NVL: variants seen among roughly 807,000 people sequenced by gnomAD.
NVL encodes the protein nuclear valosin-containing protein-like.
In NVL, 84 loss-of-function variants were observed where a neutral mutation model predicts 110.2. The ratio of observed to expected loss-of-function variants is 0.76; its 90% CI spans 0.64 to 0.91. The LOEUF is 0.91. Among genes scored for constraint, NVL ranks in the 40% least tolerant of loss-of-function variants. The pLI, the probability that NVL is intolerant of heterozygous loss-of-function variation, is 0.00. For synonymous variants in NVL, 354 were observed against 361.1 expected, an observed-to-expected ratio of 0.98 and a Z score of 0.22; for missense variants, 882 against 1,035.9, an observed-to-expected ratio of 0.85 and a Z score of 2.04.
chr1:224,253,052 C>T (rs1662686970), intron 18 of NVL, among the ~76,000 whole-genome samples: 1 of 146,954 alleles, frequency 6.8e-6, no homozygotes. Context: ...TTTGTATATG[C>T]TTTTTTTTTT....
At chr1:224,272,173 TAAA>T (rs547605639) in intron 17 of NVL, among the ~76,000 whole-genome samples, 1 of 135,136 alleles carries the variant, frequency 7.4e-6, no homozygotes. Flanking sequence ...CTGTCTCTAC[TAAA>T]AAAAAAAAAA....
At chr1:224,257,287 C>A in intron 18 of NVL, 1 of 278,412 alleles carries the variant, frequency 3.6e-6, no homozygotes, top group South Asian at 3.7e-5. Context: ...TATAAAGCAC[C>A]TACCTCCCCT....
intron 17 of NVL, among the ~76,000 whole-genome samples, chr1:224,270,679 A>G (rs947643456): frequency 6.6e-6 from 1 of 152,192 alleles, no homozygotes; most frequent in African/African-American, 2.4e-5. Flanking sequence ...ACTTTCCATC[A>G]TAGAGTACCA....
intron 21 of NVL, 101 bp downstream of exon 21, chr1:224,233,100 T>TA (rs1302438489): frequency 3.2e-6 from 3 of 944,516 alleles, no homozygotes; most frequent in Admixed American, 5.0e-5. Flanking sequence ...ACGTTAGCTT[T>TA]AATATCATAG....
chr1:224,268,343 G>A lies in NVL; in HGVS notation c.2083-210C>T, dbSNP rs542158913. Among the ~76,000 whole-genome samples the A allele has an allele frequency of 2.0e-5, 3 of 152,256 alleles. 1 individual carries two copies. The South Asian group carries it at 6.2e-4, about 32-fold the overall frequency. ...TTATTATCCAGTCTAAATGAGGAAA[G>A]TGAGGCTTAGAGGGATTATTTGTCC... On this transcript the variant is annotated intron_variant, in intron 17 of 22. Coordinates refer to ENST00000281701, the MANE Select transcript of NVL (RefSeq NM_002533.4).
In NVL at chr1:224,296,528, C is replaced by T; in HGVS notation, c.1153G>A (p.Val385Ile). ...TCCATGCAGGTTAGGAGTTGGGCTA[C>T]AATTCTTCGTTCCATATCTTTTGAA... ...VASKDMERRI[V>I]AQLLTCMDDL... is the part of the protein sequence containing the mutation. Residue 385 changes from valine to isoleucine, a missense_variant, in exon 11 of 23, where the codon GTA (valine) becomes ATA (isoleucine). Around this residue, in one of 4 missense-constraint regions of NVL, gnomAD observed 416 missense variants for 499.3 expected, o/e 0.83. Coordinates refer to ENST00000281701, the MANE Select transcript of NVL (RefSeq NM_002533.4). 6.2e-7 allele frequency: 1 copy of T among 1,604,068 alleles called. No individual in the cohort carries two copies. The highest frequency in any genetic ancestry group is 8.5e-7 in the Non-Finnish European group (1 of 1,174,688).
intron 18 of NVL, among the ~76,000 whole-genome samples, chr1:224,254,581 T>G (rs554293447): frequency 0.053 from 7,698 of 144,396 alleles, 705 homozygotes; most frequent in African/African-American, 0.18. Context: ...TGTTTTTTTT[T>G]TTTTTGTATT....
At position 224,250,122 on chromosome 1, in the gene NVL, A is replaced by C. The variant is rs912299902; in HGVS notation, c.2289+90T>G. 3.8e-6 allele frequency: 5 copies of C among 1,324,352 alleles called. No homozygotes were observed. The African/African-American group carries it at 7.5e-5, about 20-fold the overall frequency. 82.0% of individuals were successfully genotyped at this position (1,324,352 alleles called of 1,614,324 possible). The stretch of plus-strand genomic sequence containing the variant: ...CAAACACAGCTACAGAAAAGAAAGT[A>C]ATCAGTCAACGAAAATTACTACCTC... On this transcript the variant is annotated intron_variant, in intron 19 of 22. Transcript: ENST00000281701.
intron 2 of NVL, 38 bp downstream of exon 2, chr1:224,326,353 C>A: frequency 6.9e-7 from 1 of 1,446,952 alleles, no homozygotes. Flanking sequence ...GTAAAGGAGA[C>A]ATAAAAATCC....
intron 6 of NVL, 92 bp from the exon 7 acceptor site, chr1:224,305,258 C>A (rs538361707): frequency 7.0e-6 from 9 of 1,276,788 alleles, no homozygotes; most frequent in Non-Finnish European, 8.5e-6. Context: ...AAAGAAAATT[C>A]ATTCCTGCCC....
chr1:224,276,974 A>T (rs1353814500), intron 16 of NVL, among the ~76,000 whole-genome samples: 1 of 43,468 alleles, frequency 2.3e-5, no homozygotes, highest in Non-Finnish European at 4.8e-5. Flanking sequence ...AACTAGTTTT[A>T]TGACACATAA....
At chr1:224,249,487 G>T (rs1662224838) in intron 19 of NVL, among the ~76,000 whole-genome samples, 1 of 151,954 alleles carries the variant, frequency 6.6e-6, no homozygotes, top group Non-Finnish European at 1.5e-5. Context: ...GCTCACGCCT[G>T]TAATCCCAGC....
At chr1:224,253,746 A>AG (rs1322255086) in intron 18 of NVL, among the ~76,000 whole-genome samples, 2 of 150,728 alleles carry the variant, frequency 1.3e-5, no homozygotes, top group South Asian at 2.1e-4. Flanking sequence ...AAAAAAAAAA[A>AG]AAGAAAAGAA....
intron 18 of NVL, among the ~76,000 whole-genome samples, chr1:224,259,399 A>G (rs1442728837): frequency 6.6e-6 from 1 of 151,922 alleles, no homozygotes; most frequent in Admixed American, 6.6e-5. Flanking sequence ...AGGTGATGCA[A>G]ATATTCTAAG....
intron 19 of NVL, 132 bp downstream of exon 19, chr1:224,250,080 G>C (rs1246080890): frequency 1.3e-5 from 10 of 752,086 alleles, no homozygotes; most frequent in Non-Finnish European, 2.1e-5. Flanking sequence ...CCTTCCCTTT[G>C]GGAGATATAG....
At position 224,227,446 on chromosome 1, in the gene NVL, C is replaced by T; in HGVS notation, c.*180G>A. The T allele has an allele frequency of 4.9e-6, 2 of 409,854 alleles. No homozygotes were observed. The highest frequency in any genetic ancestry group is 8.8e-6 in the Non-Finnish European group (2 of 227,108). The allele number at this position is 409,854 out of a possible 1,614,324, so 25.4% of individuals were successfully genotyped here. A position where few individuals can be genotyped will look rare whatever the true frequency, so the allele number is the denominator to read the frequency against. ...TAAAGAGGAAGAAGGCATTTTCACA[C>T]AAGGCTGGCCAGATGGGAAGAATCT... is the stretch of plus-strand genomic sequence containing the variant. On this transcript the variant is annotated 3_prime_UTR_variant, in exon 23 of 23. Coordinates refer to ENST00000281701, the MANE Select transcript of NVL (RefSeq NM_002533.4).
At chr1:224,286,441 G>A (rs1666882691) in intron 14 of NVL, among the ~76,000 whole-genome samples, 1 of 151,932 alleles carries the variant, frequency 6.6e-6, no homozygotes, top group African/African-American at 2.4e-5. Context: ...CCTGACCTCA[G>A]GTGATCCACC....
chr1:224,229,121 C>T (rs934769587), intron 22 of NVL, among the ~76,000 whole-genome samples: 2 of 150,784 alleles, frequency 1.3e-5, no homozygotes, highest in African/African-American at 2.4e-5. Flanking sequence ...ATGGAGAAAC[C>T]CTGTCTCTAC....
chr1:224,317,543 G>T, intron 4 of NVL, 151 bp downstream of exon 4: 1 of 590,566 alleles, frequency 1.7e-6, no homozygotes. Context: ...GATCTCTTTG[G>T]GGAATAAAGA....
Sources: gnomAD v4.1 joint callset for allele counts (sites outside exome capture counted in the v4.1 genomes callset) on GRCh38, gnomAD v4.1.1 for gene constraint, gnomAD v4.1.1 regional missense constraint, MANE v1.5 for transcripts, NCBI Gene and HGNC (gene_info 2026-07-23, HGNC 2026-07-21) for gene names.